Variants in MBP observed in about 807,000 individuals in gnomAD.
The protein encoded by MBP is myelin basic protein.
In MBP, 16 loss-of-function variants were observed where a neutral mutation model predicts 35.8. The ratio of observed to expected loss-of-function variants is 0.45; its 90% CI spans 0.30 to 0.68. The LOEUF (loss-of-function observed/expected upper bound fraction) is 0.68, where lower values mean the gene tolerates loss of function less well. Ranked by LOEUF, MBP falls within the 30% of genes least tolerant of loss-of-function variation. MBP has a pLI of 0.08. For synonymous variants in MBP, 143 were observed against 159.6 expected, an observed-to-expected ratio of 0.90 and a Z score of 0.78; for missense variants, 380 against 404.7, an observed-to-expected ratio of 0.94 and a Z score of 0.52.
At chr18:77,054,923 G>T (rs1021419748) in intron 3 of MBP, among the ~76,000 whole-genome samples, 2 of 152,180 alleles carry the variant, frequency 1.3e-5, no homozygotes, top group African/African-American at 2.4e-5. Context: ...TCAGGAAAAT[G>T]ACCTTTGGCA....
intron 3 of MBP, 115 bp downstream of exon 3, chr18:77,066,183 C>A (rs1974191184): frequency 2.7e-6 from 2 of 743,710 alleles, no homozygotes; most frequent in Admixed American, 2.3e-5. Context: ...GTAATGAGTA[C>A]AGACAGATCC....
intron 3 of MBP, among the ~76,000 whole-genome samples, chr18:77,018,479 A>ATC (rs372676987): frequency 6.1e-5 from 9 of 146,386 alleles, no homozygotes; most frequent in African/African-American, 2.4e-4. Flanking sequence ...CCATCCATCC[A>ATC]CATATCAGTC....
chr18:77,000,244 G>A (rs1970558720), intron 4 of MBP, among the ~76,000 whole-genome samples: 1 of 152,228 alleles, frequency 6.6e-6, no homozygotes, highest in African/African-American at 2.4e-5. Context: ...ACCGAAGGAT[G>A]ACCCTGGTTT....
rs564110678 is a variant in MBP, at chr18:77,017,081, G to A, written c.327C>T (p.Asp109=). ...GGAGCTCGTCGGACTCAGAGGGCCT[G>A]TCTTTGAAGGTGTTGTCCTCCCTCC... is the stretch of plus-strand genomic sequence containing the variant. The part of the protein sequence containing the change: ...APGREDNTFK[D]RPSESDELQT... The change falls in exon 4 of 9, where the codon GAC becomes GAT. Residue 109 remains aspartate (D), a synonymous_variant. Transcript: ENST00000355994. 2.2e-5 allele frequency: 35 copies of A among 1,608,800 alleles called. No homozygotes were observed. The Admixed American group carries it at 2.8e-4, about 13-fold the overall frequency.
intron 4 of MBP, among the ~76,000 whole-genome samples, chr18:77,001,563 G>T (rs188763325): frequency 2.0e-5 from 3 of 152,154 alleles, no homozygotes; most frequent in Admixed American, 2.0e-4. Flanking sequence ...GAAAATGCCC[G>T]TAAGAGGCCA....
chr18:77,029,256 C>T (rs62105758), intron 3 of MBP, among the ~76,000 whole-genome samples: 3 of 148,914 alleles, frequency 2.0e-5, no homozygotes, highest in South Asian at 2.2e-4. Context: ...CAAAAAAATA[C>T]GAAAACCAGT....
rs142645839 is a variant in MBP at position 77,008,897 on chromosome 18, C to A, written c.576+7935G>T. Among the ~76,000 whole-genome samples, 948 of 152,324 alleles carry A rather than the reference C, an allele frequency of 6.2e-3. 9 individuals carry two copies. Among genetic ancestry groups the A allele is most frequent in the African/African-American group, 0.022 (921 of 41,570 alleles). ...GTCCTGTCCCCCGTGCTCCTGTGCT[C>A]CTTGCTGAGTGTAAATGGTCCCCCC... On this transcript the variant is annotated intron_variant, in intron 4 of 8. Transcript: ENST00000355994.
At chr18:77,132,242 G>A (rs1977306020) in intron 1 of MBP, among the ~76,000 whole-genome samples, 1 of 152,156 alleles carries the variant, frequency 6.6e-6, no homozygotes, top group African/African-American at 2.4e-5. Context: ...CTGGACACCT[G>A]TCAGGGTCGG....
chr18:77,103,681 G>C (rs921928410), intron 2 of MBP, among the ~76,000 whole-genome samples: 4 of 152,152 alleles, frequency 2.6e-5, no homozygotes, highest in Non-Finnish European at 1.5e-5. Flanking sequence ...ACACTGGCAG[G>C]CTTACTCCTC....
At chr18:76,985,058 G>A in intron 7 of MBP, 164 bp from the exon 8 acceptor site, 2 of 1,479,464 alleles carry the variant, frequency 1.4e-6, no homozygotes, top group African/African-American at 1.4e-5. Flanking sequence ...GGGGGTGGGG[G>A]CGGGAGAGGC....
chr18:77,065,283 G>A (rs7231830), intron 3 of MBP, among the ~76,000 whole-genome samples: 21,086 of 152,144 alleles, frequency 0.14, 2,175 homozygotes, highest in African/African-American at 0.28. Flanking sequence ...CCATGACGTG[G>A]TGGGTGGCAT....
chr18:77,093,199 GCTCT>G (rs1308581602), intron 2 of MBP: 3 of 152,302 alleles, frequency 2.0e-5, no homozygotes, highest in African/African-American at 7.2e-5. Flanking sequence ...GGCTGGGCCG[GCTCT>G]CCGGGAGCAT....
intron 3 of MBP, among the ~76,000 whole-genome samples, chr18:77,027,801 C>T (rs1428386903): frequency 6.6e-6 from 1 of 152,176 alleles, no homozygotes; most frequent in East Asian, 1.9e-4. Flanking sequence ...GATCCTCCCA[C>T]CTCAGCCTCC....
At chr18:77,014,529 T>C in intron 4 of MBP, 1 of 985,394 alleles carries the variant, frequency 1.0e-6, no homozygotes, top group Non-Finnish European at 1.2e-6. Context: ...CTTCCTAGCA[T>C]ATAAAAACAG....
intron 2 of MBP, among the ~76,000 whole-genome samples, chr18:77,071,379 A>G (rs1351196700): frequency 1.3e-5 from 2 of 152,058 alleles, no homozygotes; most frequent in Non-Finnish European, 2.9e-5. Flanking sequence ...CATTTCCCTT[A>G]AAAAATGCTG....
At chr18:77,064,569 G>A (rs774883091) in intron 3 of MBP, among the ~76,000 whole-genome samples, 3 of 152,080 alleles carry the variant, frequency 2.0e-5, no homozygotes, top group Non-Finnish European at 2.9e-5. Flanking sequence ...TGAAACAGTC[G>A]GTAGCACTAA....
At chr18:77,000,007 C>G (rs191702363) in intron 4 of MBP, among the ~76,000 whole-genome samples, 1 of 152,138 alleles carries the variant, frequency 6.6e-6, no homozygotes, top group Non-Finnish European at 1.5e-5. Context: ...GTGATGTAGA[C>G]TCAGATGCTG....
chr18:76,985,554 C>T, intron 7 of MBP: 1 of 1,108,974 alleles, frequency 9.0e-7, no homozygotes, highest in Non-Finnish European at 1.1e-6. Flanking sequence ...TTGGCCATAG[C>T]TCGGACTGGG....
chr18:76,986,615 C>CT (rs1377454818), intron 7 of MBP: 44 of 985,422 alleles, frequency 4.5e-5, no homozygotes, highest in Non-Finnish European at 5.3e-5. Context: ...GCAAGAAGGT[C>CT]TAAGCACTGC....
Sources: gnomAD v4.1 joint callset for allele counts (sites outside exome capture counted in the v4.1 genomes callset) on GRCh38, gnomAD v4.1.1 for gene constraint, MANE v1.5 for transcripts, NCBI Gene and HGNC (gene_info 2026-07-23, HGNC 2026-07-21) for gene names.